Variants in OMA1 observed in about 807,000 individuals in gnomAD.
OMA1 encodes metalloendopeptidase OMA1, mitochondrial.
Under a neutral mutation model 30.9 loss-of-function variants are expected in OMA1, and 38 were observed. That is an observed-to-expected ratio of 1.23 (90% CI 0.95 to 1.61). The LOEUF (loss-of-function observed/expected upper bound fraction) is 1.61. Among genes scored for constraint, OMA1 ranks in the 40% most tolerant of loss-of-function variants. The probability of loss-of-function intolerance (pLI) is 0.00; values close to 1 mark genes in which losing one functional copy is unlikely to be tolerated. For synonymous variants in OMA1, 173 were observed against 121.9 expected (o/e 1.42, Z -2.76); for missense variants, 461 against 349.2 (o/e 1.32, Z -2.55).
At chr1:58,491,115 T>A (rs952331389) in intron 8 of OMA1, among the ~76,000 whole-genome samples, 2 of 151,996 alleles carry the variant, frequency 1.3e-5, no homozygotes, top group Non-Finnish European at 2.9e-5. Context: ...CCCTTCAACA[T>A]ACTTAAAGAA....
chr1:58,498,039 C>T (rs963230880), intron 8 of OMA1, among the ~76,000 whole-genome samples: 3 of 152,000 alleles, frequency 2.0e-5, no homozygotes, highest in African/African-American at 7.3e-5. Context: ...TTATTTTCTC[C>T]TCCCCTATAA....
intron 8 of OMA1, among the ~76,000 whole-genome samples, chr1:58,482,401 G>C (rs961850197): frequency 6.6e-6 from 1 of 152,164 alleles, no homozygotes; most frequent in Non-Finnish European, 1.5e-5. Flanking sequence ...TAAGTAACTA[G>C]CCTTAGAACT....
intron 8 of OMA1, among the ~76,000 whole-genome samples, chr1:58,481,393 A>G (rs895333878): frequency 6.6e-6 from 1 of 152,196 alleles, no homozygotes; most frequent in Non-Finnish European, 1.5e-5. Flanking sequence ...TTTAAAAACA[A>G]CAACAATAGT....
At chr1:58,512,483 A>C (rs1370495916) in intron 7 of OMA1, among the ~76,000 whole-genome samples, 1 of 152,254 alleles carries the variant, frequency 6.6e-6, no homozygotes, top group Non-Finnish European at 1.5e-5. Flanking sequence ...AATAGCCAAG[A>C]TGTGGAAACA....
At chr1:58,528,825 G>A (rs1569957586) in intron 6 of OMA1, among the ~76,000 whole-genome samples, 1 of 152,188 alleles carries the variant, frequency 6.6e-6, no homozygotes, top group Middle Eastern at 3.4e-3. Flanking sequence ...ACATCTCCTC[G>A]TCACCAAAAT....
chr1:58,499,221 C>T (rs1645855586), intron 8 of OMA1, among the ~76,000 whole-genome samples: 1 of 146,038 alleles, frequency 6.8e-6, no homozygotes, highest in Non-Finnish European at 1.5e-5. Context: ...ATGATTACCA[C>T]AGGCTGGGGA....
chr1:58,536,932 TAC>T (rs1406168674), intron 2 of OMA1, among the ~76,000 whole-genome samples, 191 bp from the exon 3 acceptor site: 1 of 152,184 alleles, frequency 6.6e-6, no homozygotes, highest in Non-Finnish European at 1.5e-5. Flanking sequence ...GATGTAAAGT[TAC>T]AGTTAAAAAA....
chr1:58,489,868 T>G (rs1477710696), intron 8 of OMA1, among the ~76,000 whole-genome samples: 1 of 152,200 alleles, frequency 6.6e-6, no homozygotes, highest in South Asian at 2.1e-4. Context: ...CCAACAGACC[T>G]GCAGCTGAGG....
chr1:58,492,262 G>A (rs1017350057), intron 8 of OMA1, among the ~76,000 whole-genome samples: 5 of 151,902 alleles, frequency 3.3e-5, no homozygotes, highest in African/African-American at 9.7e-5. Context: ...CACATTCAAA[G>A]CAGTGTGTAG....
intron 7 of OMA1, among the ~76,000 whole-genome samples, chr1:58,520,009 A>G (rs1646236991): frequency 6.6e-6 from 1 of 152,184 alleles, no homozygotes; most frequent in South Asian, 2.1e-4. Context: ...TGATTAGCCT[A>G]TTGCATGTTC....
At chr1:58,513,107 C>G (rs139319567) in intron 7 of OMA1, among the ~76,000 whole-genome samples, 1 of 152,192 alleles carries the variant, frequency 6.6e-6, no homozygotes, top group South Asian at 2.1e-4. Flanking sequence ...CCCCATGTGT[C>G]GAGGGAGGGA....
intron 8 of OMA1, among the ~76,000 whole-genome samples, chr1:58,498,198 G>C (rs985833384): frequency 6.6e-6 from 1 of 151,112 alleles, no homozygotes; most frequent in Admixed American, 6.6e-5. Context: ...TCTCTATCTT[G>C]ACATGTATTT....
At chr1:58,503,670 T>G (rs1023376872) in intron 8 of OMA1, among the ~76,000 whole-genome samples, 1 of 151,992 alleles carries the variant, frequency 6.6e-6, no homozygotes, top group Non-Finnish European at 1.5e-5. Context: ...CCTTCTACCA[T>G]GTGAGGTTAC....
chr1:58,528,542 A>G (rs1198731385), intron 6 of OMA1, among the ~76,000 whole-genome samples: 1 of 152,228 alleles, frequency 6.6e-6, no homozygotes, highest in East Asian at 1.9e-4. Context: ...AATATTTATT[A>G]CTGTCATAAC....
chr1:58,536,670 T>C lies in OMA1; in HGVS notation c.572A>G (p.Asn191Ser). The change falls in exon 3 of 9, where the codon AAT (asparagine) becomes AGT (serine). Residue 191 changes from asparagine (N) to serine (S), a missense_variant. Transcript: ENST00000371226. ...CAAACCAAGGAATAGCTTCCATTTA[T>C]TCTTCCTTATATTTTCTTTAACTAC... ...KEVVKENIRK[N>S]KWKLFLGLSS... 1.1e-6 allele frequency: 1 copy of C among 872,832 alleles called. No homozygotes were observed. Among genetic ancestry groups the C allele is most frequent in the Non-Finnish European group, 2.0e-6 (1 of 501,620 alleles). The allele number at this position is 872,832 out of a possible 1,614,324, so 54.1% of individuals were successfully genotyped here. A position where few individuals can be genotyped will look rare whatever the true frequency, so the allele number is the denominator to read the frequency against.
chr1:58,527,417 C>T, intron 6 of OMA1, 82 bp from the exon 7 acceptor site: 1 of 748,862 alleles, frequency 1.3e-6, no homozygotes, highest in Non-Finnish European at 2.4e-6. Context: ...TTTTAAAAAA[C>T]AGTTTCATGG....
At position 58,539,015 on chromosome 1, in the gene OMA1, T is replaced by C; in HGVS notation, c.280A>G (p.Thr94Ala). ...STKSKEIWRITSKCTVWNDAF... is the reference protein window; with the variant it reads ...STKSKEIWRIASKCTVWNDAF... ...TCATTCCATACAGTACATTTGCTGGTAATCCTCCAAATTTCCTTACTTTTG... is the reference window on the plus strand; with the variant it reads ...TCATTCCATACAGTACATTTGCTGGCAATCCTCCAAATTTCCTTACTTTTG... Residue 94 changes from threonine (T) to alanine (A), a missense_variant, in exon 2 of 9, where the codon ACC (threonine) becomes GCC (alanine). Coordinates refer to ENST00000371226, the MANE Select transcript of OMA1 (RefSeq NM_145243.5). 1 of 872,892 alleles carries C rather than the reference T, an allele frequency of 1.1e-6. No homozygotes were observed. The highest frequency in any genetic ancestry group is 2.0e-6 in the Non-Finnish European group (1 of 501,644). The allele number at this position is 872,892 out of a possible 1,614,324, so 54.1% of individuals were successfully genotyped here. A position where few individuals can be genotyped will look rare whatever the true frequency, so the allele number is the denominator to read the frequency against.
At chr1:58,542,475 C>G (rs1199665444) in intron 1 of OMA1, 2 of 152,066 alleles carry the variant, frequency 1.3e-5, no homozygotes, top group Admixed American at 6.5e-5. Flanking sequence ...TTATTAAATA[C>G]TACATACTGT....
intron 5 of OMA1, among the ~76,000 whole-genome samples, chr1:58,533,032 A>T (rs1646459188): frequency 6.6e-6 from 1 of 152,252 alleles, no homozygotes; most frequent in Non-Finnish European, 1.5e-5. Flanking sequence ...TTAGCATTTC[A>T]GTCACTTCAC....
Sources: gnomAD v4.1 joint callset for allele counts (sites outside exome capture counted in the v4.1 genomes callset) on GRCh38, gnomAD v4.1.1 for gene constraint, MANE v1.5 for transcripts, NCBI Gene and HGNC (gene_info 2026-07-23, HGNC 2026-07-21) for gene names.